The following UBASH3A variants were observed in gnomAD, a reference collection of about 807,000 sequenced individuals.
UBASH3A encodes the protein ubiquitin associated and SH3 domain containing A, also known as ubiquitin-associated and SH3 domain-containing protein A.
Under a neutral mutation model 73.5 loss-of-function variants are expected in UBASH3A, and 63 were observed. The ratio of observed to expected loss-of-function variants is 0.86; its 90% CI spans 0.70 to 1.06. The LOEUF (loss-of-function observed/expected upper bound fraction) is 1.06, where lower values mean the gene tolerates loss of function less well. Ranked by LOEUF, UBASH3A falls within the 50% of genes least tolerant of loss-of-function variation. The pLI is 0.00. For missense variants in UBASH3A, 860 were observed against 859.0 expected, an observed-to-expected ratio of 1.00 and a Z score of -0.02; for synonymous variants, 363 against 351.1, an observed-to-expected ratio of 1.03 and a Z score of -0.38.
At chr21:42,443,618 C>T (rs762123171) in intron 13 of UBASH3A, among the ~76,000 whole-genome samples, 200 bp downstream of exon 13, 13 of 151,626 alleles carry the variant, frequency 8.6e-5, no homozygotes, top group Admixed American at 2.0e-4. Flanking sequence ...ACTCCCCTGC[C>T]GCCCAGGCCC....
At chr21:42,409,856 C>CA (rs1241083300) in intron 3 of UBASH3A, among the ~76,000 whole-genome samples, 2 of 152,160 alleles carry the variant, frequency 1.3e-5, no homozygotes, top group African/African-American at 4.8e-5. Flanking sequence ...GCTCCCCAGG[C>CA]AAAAGGAGTT....
intron 7 of UBASH3A, among the ~76,000 whole-genome samples, chr21:42,425,443 A>G (rs2053417948): frequency 6.6e-6 from 1 of 152,184 alleles, no homozygotes. Context: ...AAACCAACCA[A>G]TATTTCCTGT....
chr21:42,427,376 C>T (rs367713631), intron 8 of UBASH3A, among the ~76,000 whole-genome samples: 45 of 152,186 alleles, frequency 3.0e-4, no homozygotes, highest in African/African-American at 1.0e-3. Flanking sequence ...CTTCACACTC[C>T]TTACAGAGGA....
At chr21:42,422,570 C>A (rs186491259) in intron 7 of UBASH3A, among the ~76,000 whole-genome samples, 1 of 152,166 alleles carries the variant, frequency 6.6e-6, no homozygotes, top group African/African-American at 2.4e-5. Context: ...GGGCTTTCAA[C>A]TATGACCTCA....
intron 11 of UBASH3A, among the ~76,000 whole-genome samples, chr21:42,437,899 T>G (rs1013627225): frequency 6.6e-6 from 1 of 152,170 alleles, no homozygotes; most frequent in Non-Finnish European, 1.5e-5. Flanking sequence ...TTCGAAAACC[T>G]TGAGAGCTGG....
rs2053580581 is a variant in UBASH3A at position 42,433,872 on chromosome 21, G to A, written c.1271-960G>A. Among the ~76,000 whole-genome samples, 4 of 152,236 alleles carry A rather than the reference G, an allele frequency of 2.6e-5. No individual in the cohort carries two copies. In the South Asian group the frequency reaches 8.3e-4, roughly 32 times the overall value. ...GTGCAAGGCTGTGGGCCAGGATGAA[G>A]GGGCCTGGCATATTCTGGGGTGCAA... On this transcript the variant is annotated intron_variant, in intron 9 of 14. Coordinates refer to ENST00000319294, the MANE Select transcript of UBASH3A (RefSeq NM_018961.4).
At chr21:42,445,658 G>A (rs2053831342) in intron 14 of UBASH3A, among the ~76,000 whole-genome samples, 1 of 152,226 alleles carries the variant, frequency 6.6e-6, no homozygotes, top group African/African-American at 2.4e-5. Context: ...GTGGGTCATT[G>A]TCACTCAGCA....
intron 7 of UBASH3A, among the ~76,000 whole-genome samples, chr21:42,425,472 A>G: frequency 6.6e-6 from 1 of 152,200 alleles, no homozygotes; most frequent in Non-Finnish European, 1.5e-5. Context: ...GGGGCTATGA[A>G]TTGTGCCTCA....
intron 10 of UBASH3A, among the ~76,000 whole-genome samples, chr21:42,436,161 A>G (rs1234868448): frequency 6.6e-6 from 1 of 151,806 alleles, no homozygotes; most frequent in East Asian, 1.9e-4. Flanking sequence ...ATAGAGCTAT[A>G]GAGTCATAGA....
intron 1 of UBASH3A, among the ~76,000 whole-genome samples, chr21:42,404,484 C>T (rs951892327): frequency 1.3e-5 from 2 of 152,172 alleles, no homozygotes; most frequent in African/African-American, 4.8e-5. Context: ...CTTTTAAAGA[C>T]CAGCTCGGCT....
At chr21:42,432,007 C>T (rs533016758) in intron 8 of UBASH3A, 96 bp from the exon 9 acceptor site, 185 of 696,260 alleles carry the variant, frequency 2.7e-4, no homozygotes, top group Non-Finnish European at 3.7e-4. Flanking sequence ...AAGATTCCCT[C>T]GCAGTTGCTG....
At chr21:42,417,878 C>CTTTTTTTTTTT (rs796939696) in intron 6 of UBASH3A, among the ~76,000 whole-genome samples, 9 of 90,632 alleles carry the variant, frequency 9.9e-5, no homozygotes, top group South Asian at 4.2e-4. Context: ...TTCTTTTTTT[C>CTTTTTTTTTTT]TTTTTTTTTT....
chr21:42,446,071 A>AGTGGGCTGGT (rs1463367185), intron 14 of UBASH3A, among the ~76,000 whole-genome samples: 2 of 152,130 alleles, frequency 1.3e-5, no homozygotes, highest in African/African-American at 4.8e-5. Context: ...CACGTAACCA[A>AGTGGGCTGGT]GGGTGGCAGC....
intron 12 of UBASH3A, 151 bp downstream of exon 12, chr21:42,442,747 C>A: frequency 1.2e-6 from 1 of 836,356 alleles, no homozygotes; most frequent in Non-Finnish European, 1.8e-6. Context: ...TGGGGCTCAA[C>A]TCCTAATACA....
In UBASH3A at chr21:42,447,221, C is replaced by T. The variant is rs940663811; in HGVS notation, c.*27C>T. 1 of 1,608,336 alleles carries T rather than the reference C, an allele frequency of 6.2e-7. No homozygotes were observed. The highest frequency in any genetic ancestry group is 1.3e-5 in the African/African-American group (1 of 74,676). On this transcript the variant is annotated 3_prime_UTR_variant, in exon 15 of 15. Transcript: ENST00000319294. Reference sequence around the variant, plus strand: ...AGCCACGGTGATGTTGTCATAACCTCAGAGTGGAGAGGCAGAAACCATGTG... The same window carrying T: ...AGCCACGGTGATGTTGTCATAACCTTAGAGTGGAGAGGCAGAAACCATGTG...
intron 8 of UBASH3A, among the ~76,000 whole-genome samples, chr21:42,430,512 GC>G (rs2053509366): frequency 6.6e-6 from 1 of 152,134 alleles, no homozygotes; most frequent in Non-Finnish European, 1.5e-5. Context: ...GAGCTGTGTG[GC>G]CAAGAGGGAG....
At chr21:42,411,686 C>T (rs904487026) in intron 3 of UBASH3A, among the ~76,000 whole-genome samples, 1 of 152,220 alleles carries the variant, frequency 6.6e-6, no homozygotes, top group African/African-American at 2.4e-5. Flanking sequence ...TAGTGGAGCT[C>T]CCCTCACAGG....
intron 7 of UBASH3A, among the ~76,000 whole-genome samples, chr21:42,419,218 T>C (rs1177979074): frequency 6.6e-6 from 1 of 152,210 alleles, no homozygotes; most frequent in Non-Finnish European, 1.5e-5. Flanking sequence ...AGTTGCTTCT[T>C]CATCAGCTGA....
chr21:42,415,881 C>T (rs941486586), intron 5 of UBASH3A, among the ~76,000 whole-genome samples: 1 of 152,212 alleles, frequency 6.6e-6, no homozygotes, highest in Admixed American at 6.5e-5. Flanking sequence ...GTGATGCCAG[C>T]TGCTCTGCTC....
Sources: gnomAD v4.1 joint callset for allele counts (sites outside exome capture counted in the v4.1 genomes callset) on GRCh38, gnomAD v4.1.1 for gene constraint, MANE v1.5 for transcripts, NCBI Gene and HGNC (gene_info 2026-07-23, HGNC 2026-07-21) for gene names.